The following PGS1 variants were observed in gnomAD, a reference collection of about 807,000 sequenced individuals.
The protein encoded by PGS1 is phosphatidylglycerophosphate synthase 1.
PGS1 carries 44 observed loss-of-function variants against 58.3 expected under a neutral mutation model. The observed-to-expected ratio is 0.75, with a 90% CI of 0.59 to 0.97. The LOEUF (loss-of-function observed/expected upper bound fraction) is 0.97. Among genes scored for constraint, PGS1 ranks in the 50% least tolerant of loss-of-function variants. The pLI, the probability that PGS1 is intolerant of heterozygous loss-of-function variation, is 0.00. For missense variants in PGS1, 684 were observed against 731.1 expected (o/e 0.94, Z 0.74); for synonymous variants, 330 against 311.0 (o/e 1.06, Z -0.64).
At chr17:78,389,424 A>T (rs1231239166) in intron 1 of PGS1, among the ~76,000 whole-genome samples, 2 of 151,284 alleles carry the variant, frequency 1.3e-5, no homozygotes, top group South Asian at 2.1e-4. Flanking sequence ...TAACCTCATG[A>T]TCTGCCCGCC....
rs1160788722 is a variant in PGS1 at position 78,400,969 on chromosome 17, C to G, written c.880+114C>G. ...GGCATAGGGGACTTGGGTGGCAAGGCTTCATTCTGCTTTTGTCCTTGAAGC... is the reference window on the plus strand; with the variant it reads ...GGCATAGGGGACTTGGGTGGCAAGGGTTCATTCTGCTTTTGTCCTTGAAGC... On this transcript the variant is annotated intron_variant, in intron 6 of 9. Transcript: ENST00000262764. The surrounding 1 kb of genome is among the most constrained non-coding windows in gnomAD (Gnocchi z 4.4). 1 of 846,262 alleles carries G rather than the reference C, an allele frequency of 1.2e-6. No homozygotes were observed. 52.4% of individuals were successfully genotyped at this position (846,262 alleles called of 1,614,324 possible). A position where few individuals can be genotyped will look rare whatever the true frequency, so the allele number is the denominator to read the frequency against.
intron 3 of PGS1, among the ~76,000 whole-genome samples, chr17:78,397,219 G>A (rs1316989599): frequency 2.5e-5 from 3 of 120,512 alleles, no homozygotes; most frequent in Non-Finnish European, 5.7e-5. Flanking sequence ...CTCAGCTGAA[G>A]TGAGTCTGTG....
intron 1 of PGS1, among the ~76,000 whole-genome samples, chr17:78,389,208 A>G: frequency 6.7e-6 from 1 of 149,236 alleles, no homozygotes; most frequent in Non-Finnish European, 1.5e-5. Context: ...TTTTTTTGAG[A>G]CGGAGTGTCG....
chr17:78,407,874 C>G (rs537256039), intron 7 of PGS1, among the ~76,000 whole-genome samples: 1 of 152,186 alleles, frequency 6.6e-6, no homozygotes. Flanking sequence ...AAAATGACCC[C>G]GTGGCTCAGC....
Position 78,378,700 on chromosome 17 carries a change from T to G in PGS1, c.35T>G (p.Val12Gly). The part of the protein sequence containing the change: ...AVAAAAAAGP[V>G]FWRRLLGLLP... ...GCGGCGGCAGCTGCGGCGGGACCCG[T>G]GTTCTGGAGGCGACTGCTGGGCCTC... The change falls in exon 1 of 10, where the codon GTG becomes GGG. Residue 12 changes from valine (V) to glycine (G), a missense_variant. Coordinates refer to ENST00000262764, the MANE Select transcript of PGS1 (RefSeq NM_024419.5). 1 of 1,523,432 alleles carries G rather than the reference T, an allele frequency of 6.6e-7. No individual in the cohort carries two copies. Among genetic ancestry groups the G allele is most frequent in the Non-Finnish European group, 8.8e-7 (1 of 1,142,248 alleles). The allele number at this position is 1,523,432 out of a possible 1,614,324, so 94.4% of individuals were successfully genotyped here.
At chr17:78,412,946 G>C (rs2084847293) in intron 7 of PGS1, among the ~76,000 whole-genome samples, 1 of 152,118 alleles carries the variant, frequency 6.6e-6, no homozygotes, top group South Asian at 2.1e-4. Flanking sequence ...CTCTGGGGAA[G>C]AGGGGGTGGG....
At chr17:78,402,039 C>G (rs1169534302) in intron 6 of PGS1, among the ~76,000 whole-genome samples, 1 of 91,760 alleles carries the variant, frequency 1.1e-5, no homozygotes, top group Non-Finnish European at 2.4e-5. Context: ...CAGAGAGGCT[C>G]AGGGTGTGCG....
chr17:78,400,803 G>A lies in PGS1; in HGVS notation c.828G>A (p.Leu276=). 1 of 1,613,720 alleles carries A rather than the reference G, an allele frequency of 6.2e-7. No homozygotes were observed. The highest frequency in any genetic ancestry group is 8.5e-7 in the Non-Finnish European group (1 of 1,179,814). Residue 276 remains leucine (L), a synonymous_variant, in exon 6 of 10, where the codon CTG becomes CTA. Transcript: ENST00000262764. This position sits in a 1 kb window ranked among gnomAD's most constrained non-coding sequence, Gnocchi z 4.4. ...CGGTGGGGGATGTGTCCCTGCAGCT[G>A]CAGGGGGACGACACGGTGCAGGTGG... ...VDAVGDVSLQ[L]QGDDTVQVVD...
At chr17:78,381,723 C>T (rs1036747981) in intron 1 of PGS1, among the ~76,000 whole-genome samples, 40 of 152,194 alleles carry the variant, frequency 2.6e-4, no homozygotes, top group Admixed American at 4.6e-4. Context: ...AGTGAACCCT[C>T]GTGAGGGGAC....
chr17:78,395,238 A>G (rs192232315), intron 2 of PGS1, among the ~76,000 whole-genome samples: 41 of 152,310 alleles, frequency 2.7e-4, no homozygotes, highest in East Asian at 5.8e-4. Context: ...GCCTGAACTA[A>G]ATTGTCTTAT....
At chr17:78,379,379 A>G (rs189590446) in intron 1 of PGS1, among the ~76,000 whole-genome samples, 238 of 152,320 alleles carry the variant, frequency 1.6e-3, no homozygotes, top group Non-Finnish European at 3.0e-3. Context: ...CACTTTTTAC[A>G]CATTTCAAAG....
Position 78,424,107 on chromosome 17 carries a change from C to T in PGS1, c.*57C>T. On this transcript the variant is annotated 3_prime_UTR_variant, in exon 10 of 10. Coordinates refer to ENST00000262764, the MANE Select transcript of PGS1 (RefSeq NM_024419.5). Reference sequence around the variant, plus strand: ...CAGGCATGGCCGGGGTCAGCTCTTTCAGCCGCGCTTCAGCGATGACTCCAG... The same window carrying T: ...CAGGCATGGCCGGGGTCAGCTCTTTTAGCCGCGCTTCAGCGATGACTCCAG... 1 of 1,613,818 alleles carries T rather than the reference C, an allele frequency of 6.2e-7. No individual in the cohort carries two copies. The highest frequency in any genetic ancestry group is 8.5e-7 in the Non-Finnish European group (1 of 1,179,880).
chr17:78,383,333 T>G (rs560067730), intron 1 of PGS1, among the ~76,000 whole-genome samples: 7 of 152,258 alleles, frequency 4.6e-5, no homozygotes, highest in African/African-American at 1.7e-4. Context: ...TTCAAGCGAT[T>G]CTCCTGCCTC....
intron 3 of PGS1, among the ~76,000 whole-genome samples, chr17:78,396,792 T>G (rs749132964): frequency 1.4e-4 from 21 of 152,400 alleles, no homozygotes; most frequent in African/African-American, 4.8e-4. Flanking sequence ...TTGTGACTTA[T>G]GAAAACTTTA....
Position 78,424,317 on chromosome 17 carries a change from T to C in PGS1, c.*267T>C. ...GGCTGGAAGCAGAGGCCTTCGTAGG[T>C]GATGGCCTGCATGTTGTAACTACCC... On this transcript the variant is annotated 3_prime_UTR_variant, in exon 10 of 10. Coordinates refer to ENST00000262764, the MANE Select transcript of PGS1 (RefSeq NM_024419.5). The C allele has an allele frequency of 2.5e-6, 2 of 806,536 alleles. No homozygotes were observed. The highest frequency in any genetic ancestry group is 5.9e-5 in the Admixed American group (2 of 33,838). 50.0% of individuals were successfully genotyped at this position (806,536 alleles called of 1,614,324 possible).
intron 1 of PGS1, among the ~76,000 whole-genome samples, chr17:78,387,424 C>G (rs929557372): frequency 1.4e-5 from 2 of 145,556 alleles, no homozygotes; most frequent in African/African-American, 5.3e-5. Context: ...CTCAGCCTCC[C>G]GAGTAGCTGG....
intron 7 of PGS1, among the ~76,000 whole-genome samples, chr17:78,405,828 T>C (rs896759192): frequency 5.9e-5 from 9 of 152,300 alleles, no homozygotes; most frequent in Middle Eastern, 3.4e-3. Context: ...CTCCTTCTCT[T>C]GTCCTGGTTC....
At chr17:78,393,125 A>G (rs111673377) in intron 2 of PGS1, among the ~76,000 whole-genome samples, 1,902 of 150,910 alleles carry the variant, frequency 0.013, 41 homozygotes, top group African/African-American at 0.043. Flanking sequence ...CAGTGGCTCA[A>G]TCTTGGCTCA....
At position 78,400,634 on chromosome 17, in the gene PGS1, C is replaced by G; in HGVS notation, c.702-43C>G. ...GGTCACCAGGACACGCTGCTGCATA[C>G]CCTTGCCTGAGTCCTCCTCACCTGC... On this transcript the variant is annotated intron_variant, in intron 5 of 9. Coordinates refer to ENST00000262764, the MANE Select transcript of PGS1 (RefSeq NM_024419.5). This position sits in a 1 kb window ranked among gnomAD's most constrained non-coding sequence, Gnocchi z 4.4. 1.3e-6 allele frequency: 2 copies of G among 1,583,204 alleles called. No individual in the cohort carries two copies. The highest frequency in any genetic ancestry group is 1.1e-5 in the South Asian group (1 of 90,102).
Sources: gnomAD v4.1 joint callset for allele counts (sites outside exome capture counted in the v4.1 genomes callset) on GRCh38, gnomAD v4.1.1 for gene constraint, Gnocchi (gnomAD v3.1) non-coding constraint, MANE v1.5 for transcripts, NCBI Gene and HGNC (gene_info 2026-07-23, HGNC 2026-07-21) for gene names.